Variants in GOLGA8M observed in about 807,000 individuals in gnomAD.
GOLGA8M encodes golgin subfamily A member 8M.
A neutral mutation model predicts 87.7 loss-of-function variants in GOLGA8M; 34 were observed. That is an observed-to-expected ratio of 0.39 (90% CI 0.29 to 0.52). The LOEUF (loss-of-function observed/expected upper bound fraction) is 0.52. Among genes scored for constraint, GOLGA8M ranks in the 20% least tolerant of loss-of-function variants. The probability of loss-of-function intolerance (pLI) is 0.80; values close to 1 mark genes in which losing one functional copy is unlikely to be tolerated. For synonymous variants in GOLGA8M, 138 were observed against 250.2 expected (o/e 0.55, Z 4.23); for missense variants, 396 against 682.2 (o/e 0.58, Z 4.67).
intron 1 of GOLGA8M, chr15:28,711,980 A>G (rs1188324736): frequency 4.1e-6 from 4 of 984,832 alleles, no homozygotes; most frequent in Non-Finnish European, 4.8e-6. Context: ...GAGAGCCCAA[A>G]GAGCCCAGGG....
Position 28,704,053 on chromosome 15 carries a change from C to G in GOLGA8M, c.1201-136G>C. On this transcript the variant is annotated intron_variant, in intron 13 of 18. Coordinates refer to ENST00000563027, the MANE Select transcript of GOLGA8M (RefSeq NM_001282468.3). ...ATATCGGCCACCGCTTTGCCTCAAG[C>G]TTCCTGCTACTGCAGCTGGTTCATT... 5 of 1,539,518 alleles carry G rather than the reference C, an allele frequency of 3.2e-6. 1 individual carries two copies. The highest frequency in any genetic ancestry group is 4.3e-6 in the Non-Finnish European group (5 of 1,160,234).
intron 6 of GOLGA8M, 34 bp downstream of exon 6, chr15:28,708,092 G>T: frequency 6.2e-7 from 1 of 1,606,026 alleles, no homozygotes. Flanking sequence ...ACATTCTCCG[G>T]AGGACAGGAG....
Position 28,704,059 on chromosome 15 carries a change from G to T in GOLGA8M, c.1201-142C>A, listed in dbSNP as rs1314284179. ...GCCACCGCTTTGCCTCAAGCTTCCT[G>T]CTACTGCAGCTGGTTCATTAGCTGG... is the stretch of plus-strand genomic sequence containing the variant. On this transcript the variant is annotated intron_variant, in intron 13 of 18. Coordinates refer to ENST00000563027, the MANE Select transcript of GOLGA8M (RefSeq NM_001282468.3). The T allele has an allele frequency of 6.5e-6, 10 of 1,536,206 alleles. No individual in the cohort carries two copies. In the African/African-American group the frequency reaches 1.4e-4, roughly 21 times the overall value.
chr15:28,711,651 G>A, intron 1 of GOLGA8M: 1 of 984,874 alleles, frequency 1.0e-6, no homozygotes, highest in Non-Finnish European at 1.2e-6. Flanking sequence ...AACGCTTAGG[G>A]GACTGGGTCA....
chr15:28,707,835 G>A lies in GOLGA8M; in HGVS notation c.504C>T (p.Val168=), dbSNP rs1245263015. 3 of 1,583,596 alleles carry A rather than the reference G, an allele frequency of 1.9e-6. No individual in the cohort carries two copies. Among genetic ancestry groups the A allele is most frequent in the Non-Finnish European group, 2.5e-6 (3 of 1,177,424 alleles). ...TACGCTGCAATGAATGTTGCAGGCG[G>A]ACAGCCAGATCCTTGGACTTTTCTG... is the stretch of plus-strand genomic sequence containing the variant. ...YFEEKSKDLA[V]RLQHSLQRKG... is the part of the protein sequence containing the mutation. The change falls in exon 8 of 19, where the codon GTC becomes GTT. Residue 168 remains valine (V), a synonymous_variant. Coordinates refer to ENST00000563027, the MANE Select transcript of GOLGA8M (RefSeq NM_001282468.3).
At chr15:28,704,575 G>A (rs1316081652) in intron 13 of GOLGA8M, among the ~76,000 whole-genome samples, 1 of 149,436 alleles carries the variant, frequency 6.7e-6, no homozygotes, top group East Asian at 2.3e-4. Flanking sequence ...TTAATCTAAG[G>A]AGTCTTTTTG....
At position 28,702,372 on chromosome 15, in the gene GOLGA8M, G is replaced by A. The variant is rs201342779; in HGVS notation, c.1568-3C>T. ...TGCTGCAGCTCCAGCAGCTTCACCT[G>A]GAGGGAGGGGTGCTCAGCTGCCATG... On this transcript the variant is annotated splice_polypyrimidine_tract_variant and splice_region_variant and intron_variant, in intron 17 of 18. Transcript: ENST00000563027. 1.2e-4 allele frequency: 188 copies of A among 1,524,482 alleles called. 1 individual carries two copies. The highest frequency in any genetic ancestry group is 2.3e-4 in the Middle Eastern group (1 of 4,366). The allele number at this position is 1,524,482 out of a possible 1,614,324, so 94.4% of individuals were successfully genotyped here. A position where few individuals can be genotyped will look rare whatever the true frequency, so the allele number is the denominator to read the frequency against.
At chr15:28,711,915 A>AGCCCAAAGTCACCC in intron 1 of GOLGA8M, 1 of 984,818 alleles carries the variant, frequency 1.0e-6, no homozygotes, top group Non-Finnish European at 1.2e-6. Flanking sequence ...AGGAGTCACC[A>AGCCCAAAGTCACCC]GCCCAAAGTC....
At chr15:28,706,858 G>T in intron 8 of GOLGA8M, among the ~76,000 whole-genome samples, 159 bp from the exon 9 acceptor site, 1 of 143,402 alleles carries the variant, frequency 7.0e-6, no homozygotes, top group Non-Finnish European at 1.5e-5. Context: ...ACACAGTAAA[G>T]TTGGAACGGA....
At chr15:28,712,006 C>A (rs562951574) in intron 1 of GOLGA8M, 2 of 984,530 alleles carry the variant, frequency 2.0e-6, no homozygotes, top group African/African-American at 1.8e-5. Flanking sequence ...AAGCTTGGGG[C>A]GGCAGGAGAT....
rs1336319339 is a variant in GOLGA8M, at chr15:28,708,140, T to A, written c.382A>T (p.Lys128Ter). 1 of 1,592,888 alleles carries A rather than the reference T, an allele frequency of 6.3e-7. No individual in the cohort carries two copies. The highest frequency in any genetic ancestry group is 8.5e-7 in the Non-Finnish European group (1 of 1,170,928). The change falls in exon 6 of 19, where the codon AAA becomes TAA. Residue 128 changes from lysine (K) to a stop codon, truncating the protein, a stop_gained. Coordinates refer to ENST00000563027, the MANE Select transcript of GOLGA8M (RefSeq NM_001282468.3). LOFTEE classifies it high-confidence loss of function. ...CCTCCACTCACCTCTAGCACCCTTT[T>A]GGCTTTCTGTTTCTTGTTGTTTGCT... is the stretch of plus-strand genomic sequence containing the variant. ...KKANNKKQKA[K>*]RVLEVQLQTL...
chr15:28,706,749 C>T, intron 8 of GOLGA8M, 50 bp from the exon 9 acceptor site: 1 of 1,452,020 alleles, frequency 6.9e-7, no homozygotes, highest in Non-Finnish European at 9.4e-7. Flanking sequence ...TGGGCATTTC[C>T]ACACAGTGCC....
chr15:28,711,687 A>C, intron 1 of GOLGA8M: 2 of 984,898 alleles, frequency 2.0e-6, no homozygotes, highest in Non-Finnish European at 2.4e-6. Flanking sequence ...GTCTTGCAGT[A>C]ACGGCAGTTA....
intron 4 of GOLGA8M, among the ~76,000 whole-genome samples, chr15:28,708,837 G>A (rs2080119396): frequency 6.6e-6 from 1 of 150,686 alleles, no homozygotes; most frequent in African/African-American, 2.4e-5. Context: ...CCATTCTCGG[G>A]GGCCTTTAAA....
chr15:28,708,262 A>T, intron 5 of GOLGA8M, 89 bp from the exon 6 acceptor site: 1 of 1,603,418 alleles, frequency 6.2e-7, no homozygotes, highest in Non-Finnish European at 8.5e-7. Context: ...CCAATGCCCC[A>T]GGACAGGCCC....
rs982109036 is a variant in GOLGA8M, at chr15:28,702,207, T to C, written c.1723+7A>G. 7.5e-6 allele frequency: 12 copies of C among 1,589,910 alleles called. No individual in the cohort carries two copies. Among genetic ancestry groups the C allele is most frequent in the Non-Finnish European group, 1.0e-5 (12 of 1,173,250 alleles). ...GCCTGCCCACACCACCTGAGGGCTG[T>C]ACTCACCACCATGCTTGTCTGCAGC... On this transcript the variant is annotated splice_region_variant and intron_variant, in intron 18 of 18. Coordinates refer to ENST00000563027, the MANE Select transcript of GOLGA8M (RefSeq NM_001282468.3).
intron 14 of GOLGA8M, 100 bp from the exon 15 acceptor site, chr15:28,703,510 C>G: frequency 3.8e-6 from 2 of 533,034 alleles, no homozygotes; most frequent in South Asian, 2.1e-5. Flanking sequence ...TGAGCCAGCC[C>G]CTCCCCAGAG....
In GOLGA8M at chr15:28,703,418, G is replaced by GGGT. The variant is rs2079888895; in HGVS notation, c.1277-11_1277-9dup. 7.6e-6 allele frequency: 5 copies of GGGT among 657,526 alleles called. No homozygotes were observed. Among genetic ancestry groups the GGGT allele is most frequent in the South Asian group, 1.8e-5 (1 of 55,434 alleles). 40.7% of individuals were successfully genotyped at this position (657,526 alleles called of 1,614,324 possible). A position where few individuals can be genotyped will look rare whatever the true frequency, so the allele number is the denominator to read the frequency against. On this transcript the variant is annotated splice_polypyrimidine_tract_variant and intron_variant, in intron 14 of 18. Transcript: ENST00000563027. Reference sequence around the variant, plus strand: ...GATGTTCTCCTCCGTGTCCTGTGGGGGGTGGCCAGAGGGGTCTTCAGACAA... The same window carrying GGGT: ...GATGTTCTCCTCCGTGTCCTGTGGGGGGTGGTGGCCAGAGGGGTCTTCAGACAA...
Position 28,706,519 on chromosome 15 carries a change from G to T in GOLGA8M, c.679-13C>A, listed in dbSNP as rs575084110. ...ATGACTCCTTCAACTGCAAGAATGGGCACAGAACTTAGGAAGGGCTGTCAC... is the reference window on the plus strand; with the variant it reads ...ATGACTCCTTCAACTGCAAGAATGGTCACAGAACTTAGGAAGGGCTGTCAC... On this transcript the variant is annotated splice_polypyrimidine_tract_variant and intron_variant, in intron 9 of 18. Coordinates refer to ENST00000563027, the MANE Select transcript of GOLGA8M (RefSeq NM_001282468.3). 142 of 1,328,600 alleles carry T rather than the reference G, an allele frequency of 1.1e-4. No individual in the cohort carries two copies. Among genetic ancestry groups the T allele is most frequent in the Admixed American group, 7.4e-4 (40 of 54,236 alleles). The allele number at this position is 1,328,600 out of a possible 1,614,324, so 82.3% of individuals were successfully genotyped here.
Sources: allele counts gnomAD v4.1 joint callset (sites outside exome capture counted in the v4.1 genomes callset), GRCh38; gene constraint gnomAD v4.1.1; transcripts MANE v1.5; gene names NCBI Gene and HGNC (gene_info 2026-07-23, HGNC 2026-07-21).